The following CD96 variants were observed in gnomAD, a reference collection of about 807,000 sequenced individuals.
CD96 encodes CD96 molecule, also known as T-cell surface protein tactile.
A neutral mutation model predicts 71.3 loss-of-function variants in CD96; 70 were observed. The ratio of observed to expected loss-of-function variants is 0.98; its 90% CI spans 0.81 to 1.20. CD96 has a LOEUF of 1.20. Among genes scored for constraint, CD96 ranks in the 50% most tolerant of loss-of-function variants. The pLI, the probability that CD96 is intolerant of heterozygous loss-of-function variation, is 0.00. For missense variants in CD96, 742 were observed against 677.5 expected (o/e 1.10, Z -1.06); for synonymous variants, 248 against 233.0 (o/e 1.06, Z -0.59).
chr3:111,613,555 G>C (rs531495145), intron 8 of CD96, among the ~76,000 whole-genome samples: 2 of 152,334 alleles, frequency 1.3e-5, no homozygotes, highest in African/African-American at 4.8e-5. Flanking sequence ...TGATTCAAAT[G>C]ATGAAGCTGA....
intron 5 of CD96, among the ~76,000 whole-genome samples, chr3:111,591,650 G>A (rs1003464355): frequency 3.9e-5 from 6 of 152,160 alleles, no homozygotes; most frequent in South Asian, 2.1e-4. Context: ...ATGTCCAGCC[G>A]TCGTCACTTG....
In CD96 at chr3:111,560,370, C is replaced by T. The variant is rs1330734475; in HGVS notation, c.419-7153C>T. On this transcript the variant is annotated intron_variant, in intron 2 of 13. Coordinates refer to ENST00000352690, the MANE Select transcript of CD96 (RefSeq NM_005816.5). Reference sequence around the variant, plus strand: ...ACCAGTTGTTCCTTTCCATGTTTAGCGCTTCCTTCAGGAGCTCTTTTAGGG... The same window carrying T: ...ACCAGTTGTTCCTTTCCATGTTTAGTGCTTCCTTCAGGAGCTCTTTTAGGG... 9.2e-4 allele frequency among the ~76,000 whole-genome samples: 140 copies of T among 151,500 alleles called. 2 individuals carry two copies. The highest frequency in any genetic ancestry group is 6.8e-3 in the Middle Eastern group (2 of 292).
At chr3:111,578,960 G>T in intron 3 of CD96, 67 bp from the exon 4 acceptor site, 1 of 813,598 alleles carries the variant, frequency 1.2e-6, no homozygotes, top group Non-Finnish European at 2.2e-6. Context: ...ATCAGTGCTT[G>T]TCGAATGCCT....
In CD96 at chr3:111,659,002, TC is replaced by T. The variant is rs563510524; in HGVS notation, c.*53-6523del. ...ACATCTGGTAGAATTTGGCTGTGAA[TC>T]CATTGGGTCCAGGGCTTCTTTTGCT... On this transcript the variant is annotated intron_variant and NMD_transcript_variant, in intron 14 of 14. Coordinates refer to the CD96 transcript ENST00000494798. 5.3e-5 allele frequency among the ~76,000 whole-genome samples: 8 copies of T among 152,310 alleles called. No individual in the cohort carries two copies. In the South Asian group the frequency reaches 1.4e-3, roughly 28 times the overall value.
intron 10 of CD96, among the ~76,000 whole-genome samples, chr3:111,625,128 T>C (rs1938687580): frequency 6.6e-6 from 1 of 152,228 alleles, no homozygotes; most frequent in African/African-American, 2.4e-5. Context: ...CATTTAAGTT[T>C]TACAGTTAAA....
At chr3:111,591,463 A>T (rs1036540270) in intron 5 of CD96, among the ~76,000 whole-genome samples, 3 of 148,984 alleles carry the variant, frequency 2.0e-5, no homozygotes, top group African/African-American at 7.3e-5. Context: ...GCAGAATTTG[A>T]TTATTTGTGT....
At chr3:111,647,330 A>G (rs1187108706) in intron 12 of CD96, among the ~76,000 whole-genome samples, 2 of 152,162 alleles carry the variant, frequency 1.3e-5, no homozygotes, top group Non-Finnish European at 2.9e-5. Flanking sequence ...GTATGCTTAT[A>G]TATATCCACA....
At chr3:111,595,986 A>T (rs1055230086) in intron 5 of CD96, among the ~76,000 whole-genome samples, 1 of 151,820 alleles carries the variant, frequency 6.6e-6, no homozygotes, top group African/African-American at 2.4e-5. Flanking sequence ...ACATTGTGAA[A>T]CCCTGTCTCT....
At chr3:111,562,913 A>T (rs1935526198) in intron 2 of CD96, among the ~76,000 whole-genome samples, 1 of 152,170 alleles carries the variant, frequency 6.6e-6, no homozygotes, top group African/African-American at 2.4e-5. Context: ...TGCTGCTCTA[A>T]CAGAATACCA....
intron 12 of CD96, among the ~76,000 whole-genome samples, chr3:111,645,238 G>T (rs1192865403): frequency 6.6e-6 from 1 of 152,084 alleles, no homozygotes; most frequent in Admixed American, 6.6e-5. Context: ...GATGAGATTG[G>T]AGACTATTAT....
chr3:111,573,032 C>G (rs1211621851), intron 3 of CD96, among the ~76,000 whole-genome samples: 1 of 152,096 alleles, frequency 6.6e-6, no homozygotes, highest in Non-Finnish European at 1.5e-5. Context: ...AGGGTTAACT[C>G]TCTAATGGAA....
chr3:111,577,615 A>G (rs1936277714), intron 3 of CD96: 1 of 1,008,596 alleles, frequency 9.9e-7, no homozygotes. Flanking sequence ...ATAACACAAT[A>G]CTATCTGTAT....
At chr3:111,555,158 A>G (rs1934925831) in intron 2 of CD96, among the ~76,000 whole-genome samples, 1 of 137,688 alleles carries the variant, frequency 7.3e-6, no homozygotes, top group Admixed American at 8.9e-5. Context: ...GTACCAGTCC[A>G]TGGTCCAGGG....
chr3:111,647,101 A>C (rs1029759489), intron 12 of CD96, among the ~76,000 whole-genome samples: 5 of 151,696 alleles, frequency 3.3e-5, no homozygotes, highest in East Asian at 3.9e-4. Context: ...AAAAAAAAAA[A>C]AAAAAAAACC....
chr3:111,630,405 T>C (rs1279745584), intron 10 of CD96, among the ~76,000 whole-genome samples: 1 of 152,088 alleles, frequency 6.6e-6, no homozygotes, highest in Non-Finnish European at 1.5e-5. Context: ...CTAAAAAATC[T>C]AGAAGAAATA....
intron 2 of CD96, among the ~76,000 whole-genome samples, chr3:111,561,303 A>C (rs1406688588): frequency 6.7e-6 from 1 of 149,470 alleles, no homozygotes; most frequent in Non-Finnish European, 1.5e-5. Context: ...TAGAGTTTCC[A>C]GTTTTTCTGT....
At chr3:111,647,128 G>C (rs893109806) in intron 12 of CD96, among the ~76,000 whole-genome samples, 3 of 144,036 alleles carry the variant, frequency 2.1e-5, no homozygotes, top group African/African-American at 7.7e-5. Context: ...GTCAGGCACT[G>C]TTGATTACCT....
At chr3:111,550,086 GA>G (rs1217177445) in intron 2 of CD96, among the ~76,000 whole-genome samples, 1 of 152,146 alleles carries the variant, frequency 6.6e-6, no homozygotes, top group African/African-American at 2.4e-5. Flanking sequence ...AGCAATTAAA[GA>G]GGCAAAAGTA....
chr3:111,619,259 TG>T (rs1402286781), intron 8 of CD96, among the ~76,000 whole-genome samples: 2 of 20,836 alleles, frequency 9.6e-5, no homozygotes, highest in East Asian at 3.0e-3. Flanking sequence ...CATAAAAGGG[TG>T]GGTTTTTTTT....
Sources: gnomAD v4.1 joint callset for allele counts (sites outside exome capture counted in the v4.1 genomes callset) on GRCh38, gnomAD v4.1.1 for gene constraint, MANE v1.5 for transcripts, NCBI Gene and HGNC (gene_info 2026-07-23, HGNC 2026-07-21) for gene names.